Variants in ZZEF1 observed in about 807,000 individuals in gnomAD.
ZZEF1 encodes zinc finger ZZ-type and EF-hand domain-containing protein 1.
ZZEF1 carries 157 observed loss-of-function variants against 342.8 expected under a neutral mutation model. The ratio of observed to expected loss-of-function variants is 0.46; its 90% CI spans 0.40 to 0.52. The LOEUF is 0.52. Ranked by LOEUF, ZZEF1 falls within the 20% of genes least tolerant of loss-of-function variation. The pLI is 0.00. For synonymous variants in ZZEF1, 1,505 were observed against 1,429.1 expected, an observed-to-expected ratio of 1.05 and a Z score of -1.20; for missense variants, 3,480 against 3,725.6, an observed-to-expected ratio of 0.93 and a Z score of 1.72.
At position 4,006,984 on chromosome 17, in the gene ZZEF1, AAG is replaced by A. The variant is rs1567753466; in HGVS notation, c.8806-16_8806-15del. 2 of 1,574,518 alleles carry A rather than the reference AAG, an allele frequency of 1.3e-6. No individual in the cohort carries two copies. The highest frequency in any genetic ancestry group is 2.3e-5 in the East Asian group (1 of 43,522). On this transcript the variant is annotated splice_polypyrimidine_tract_variant and intron_variant, in intron 54 of 54. Transcript: ENST00000381638. ...GTTCTGCAGAGCCTGTAGAGGGAAA[AAG>A]AGTTGTCGCCAATGTCGGGAGCCAC... is the stretch of plus-strand genomic sequence containing the variant.
intron 13 of ZZEF1, among the ~76,000 whole-genome samples, chr17:4,087,825 C>CACACA (rs1016601880): frequency 3.1e-4 from 44 of 140,384 alleles, no homozygotes; most frequent in African/African-American, 1.1e-3. Flanking sequence ...CACACACACA[C>CACACA]ATCCATGAAC....
intron 1 of ZZEF1, among the ~76,000 whole-genome samples, chr17:4,140,901 CTAATA>C (rs963607995): frequency 1.6e-4 from 22 of 135,526 alleles, no homozygotes; most frequent in African/African-American, 5.3e-4. Context: ...CTTTCACTAA[CTAATA>C]TGACTTTTTT....
At position 4,076,719 on chromosome 17, in the gene ZZEF1, T is replaced by C. The variant is rs1442251697; in HGVS notation, c.3152A>G (p.His1051Arg). 1.1e-5 allele frequency: 18 copies of C among 1,612,638 alleles called. No individual in the cohort carries two copies. Among genetic ancestry groups the C allele is most frequent in the Non-Finnish European group, 1.5e-5 (18 of 1,178,836 alleles). The change falls in exon 21 of 55, where the codon CAC becomes CGC. Residue 1051 changes from histidine to arginine, a missense_variant. His to Arg is a conservative substitution (Grantham distance 29). This residue lies in a region of ZZEF1 where 1,528 missense variants were observed against 1,624.1 expected (regional missense o/e 0.94). Transcript: ENST00000381638. ...GCTGAACTCTCTCAAGAGCACGCAG[T>C]GTGGGATGTCTAAAGTGCAGAAGTC... ...LLDFCTLDIP[H>R]CVLLREFSVL... is the part of the protein sequence containing the mutation.
chr17:4,038,840 A>C (rs1266044391), intron 39 of ZZEF1, among the ~76,000 whole-genome samples: 1 of 147,260 alleles, frequency 6.8e-6, no homozygotes, highest in African/African-American at 2.6e-5. Context: ...AACAAACAAA[A>C]AACCACCACC....
chr17:4,079,684 G>A (rs1597860827), intron 18 of ZZEF1, among the ~76,000 whole-genome samples: 1 of 152,276 alleles, frequency 6.6e-6, no homozygotes, highest in East Asian at 1.9e-4. Flanking sequence ...CAGCCTAAGA[G>A]CAACCTTGGC....
Position 4,068,288 on chromosome 17 carries a change from A to G in ZZEF1, c.4076-1046T>C, listed in dbSNP as rs567792199. Among the ~76,000 whole-genome samples the G allele has an allele frequency of 2.0e-5, 3 of 151,916 alleles. No homozygotes were observed. In the East Asian group the frequency reaches 5.8e-4, roughly 29 times the overall value. The stretch of plus-strand genomic sequence containing the variant: ...TTTGTTTATAATTAGAAAAATAACA[A>G]TTTTTTTTGAGACAGAGTTTTGCTC... On this transcript the variant is annotated intron_variant, in intron 26 of 54. Transcript: ENST00000381638.
At chr17:4,097,251 CA>C (rs11322795) in intron 9 of ZZEF1, among the ~76,000 whole-genome samples, 83,449 of 137,116 alleles carry the variant, frequency 0.61, 26,453 homozygotes, top group East Asian at 0.81. Context: ...AACTCCGTCT[CA>C]AAAAAAAAAA....
At chr17:4,030,524 T>C (rs1048520086) in intron 42 of ZZEF1, among the ~76,000 whole-genome samples, 4 of 152,202 alleles carry the variant, frequency 2.6e-5, no homozygotes, top group South Asian at 2.1e-4. Context: ...CCAATCAAAA[T>C]CCCAGAAGGC....
intron 38 of ZZEF1, 32 bp from the exon 39 acceptor site, chr17:4,042,600 C>T: frequency 1.2e-6 from 2 of 1,606,196 alleles, no homozygotes; most frequent in Non-Finnish European, 1.7e-6. Context: ...CAGAATTTGC[C>T]TGCATCTCCA....
At chr17:4,057,702 A>G (rs2057194583) in intron 32 of ZZEF1, among the ~76,000 whole-genome samples, 1 of 152,214 alleles carries the variant, frequency 6.6e-6, no homozygotes, top group African/African-American at 2.4e-5. Context: ...ACCAATGTAC[A>G]TAGCTCTACT....
intron 1 of ZZEF1, among the ~76,000 whole-genome samples, chr17:4,138,386 A>G (rs557600940): frequency 1.3e-5 from 2 of 152,378 alleles, no homozygotes; most frequent in African/African-American, 4.8e-5. Context: ...ACTTCCTGTA[A>G]ACCCGAAAGT....
intron 2 of ZZEF1, among the ~76,000 whole-genome samples, chr17:4,121,127 C>T (rs1365898393): frequency 6.6e-6 from 1 of 152,182 alleles, no homozygotes; most frequent in Non-Finnish European, 1.5e-5. Flanking sequence ...GACCCTGATG[C>T]TTTCTCAATC....
At chr17:4,138,332 T>C (rs1019427681) in intron 1 of ZZEF1, among the ~76,000 whole-genome samples, 2 of 152,118 alleles carry the variant, frequency 1.3e-5, no homozygotes, top group African/African-American at 4.8e-5. Flanking sequence ...TGATTAATAC[T>C]TTTCACATAA....
chr17:4,121,523 G>T (rs535690177), intron 2 of ZZEF1, among the ~76,000 whole-genome samples: 6 of 152,118 alleles, frequency 3.9e-5, no homozygotes, highest in African/African-American at 1.2e-4. Flanking sequence ...CTACTCGGGA[G>T]GCTGAGGCAC....
intron 9 of ZZEF1, 27 bp downstream of exon 9, chr17:4,102,290 C>G (rs914741458): frequency 6.2e-7 from 1 of 1,601,174 alleles, no homozygotes; most frequent in Non-Finnish European, 8.6e-7. Flanking sequence ...ACCGAGCACA[C>G]TAGAAACAGA....
At chr17:4,007,618 A>G (rs1200540179) in intron 54 of ZZEF1, among the ~76,000 whole-genome samples, 2 of 152,118 alleles carry the variant, frequency 1.3e-5, no homozygotes, top group Non-Finnish European at 2.9e-5. Flanking sequence ...GGACGGGCAA[A>G]TATCAAAATT....
intron 1 of ZZEF1, among the ~76,000 whole-genome samples, chr17:4,125,630 G>C (rs1465729945): frequency 6.6e-6 from 1 of 152,180 alleles, no homozygotes; most frequent in Non-Finnish European, 1.5e-5. Context: ...AAGGAGAGCA[G>C]GTATTATCTT....
Position 4,049,879 on chromosome 17 carries a change from G to A in ZZEF1, c.5864-20C>T. The A allele has an allele frequency of 6.2e-7, 1 of 1,610,726 alleles. No homozygotes were observed. The highest frequency in any genetic ancestry group is 1.1e-5 in the South Asian group (1 of 90,516). On this transcript the variant is annotated intron_variant, in intron 36 of 54. Coordinates refer to ENST00000381638, the MANE Select transcript of ZZEF1 (RefSeq NM_015113.4). Reference sequence around the variant, plus strand: ...TAAGGCCTATGTGGGAAGCAAATCAGAGAATGGTTAGAAGTTTTATAATGA... The same window carrying A: ...TAAGGCCTATGTGGGAAGCAAATCAAAGAATGGTTAGAAGTTTTATAATGA...
chr17:4,100,451 C>T lies in ZZEF1; in HGVS notation c.1672+1866G>A, dbSNP rs143239968. On this transcript the variant is annotated intron_variant, in intron 9 of 54. Coordinates refer to ENST00000381638, the MANE Select transcript of ZZEF1 (RefSeq NM_015113.4). ...GCTAGATTTTTAAAATCCACTCAAT[C>T]TAAGGAGGGGAAAAAGCAGGAAGGA... Among the ~76,000 whole-genome samples the T allele has an allele frequency of 6.6e-3, 1,005 of 152,164 alleles. 14 individuals are homozygous for T. Among genetic ancestry groups the T allele is most frequent in the African/African-American group, 0.023 (951 of 41,484 alleles).
Sources: allele counts gnomAD v4.1 joint callset (sites outside exome capture counted in the v4.1 genomes callset), GRCh38; gene constraint gnomAD v4.1.1; regional missense constraint gnomAD v4.1.1; transcripts MANE v1.5; gene names NCBI Gene and HGNC (gene_info 2026-07-23, HGNC 2026-07-21).